The following SLC12A2 variants were observed in gnomAD, a reference collection of about 807,000 sequenced individuals.
The protein encoded by SLC12A2 is solute carrier family 12 member 2.
Under a neutral mutation model 136.3 loss-of-function variants are expected in SLC12A2, and 67 were observed. The ratio of observed to expected loss-of-function variants is 0.49; its 90% CI spans 0.40 to 0.60. The LOEUF is 0.60. Among genes scored for constraint, SLC12A2 ranks in the 20% least tolerant of loss-of-function variants. The pLI, the probability that SLC12A2 is intolerant of heterozygous loss-of-function variation, is 0.00. For missense variants in SLC12A2, 1,322 were observed against 1,534.7 expected, an observed-to-expected ratio of 0.86 and a Z score of 2.32; for synonymous variants, 619 against 562.9, an observed-to-expected ratio of 1.10 and a Z score of -1.41.
chr5:128,141,159 G>A (rs534788669), intron 9 of SLC12A2, among the ~76,000 whole-genome samples: 21 of 152,232 alleles, frequency 1.4e-4, no homozygotes, highest in African/African-American at 4.3e-4. Flanking sequence ...TTATGGAAAA[G>A]TAGGGAGGAT....
Position 128,186,584 on chromosome 5 carries a change from C to G in SLC12A2, c.3592C>G (p.Leu1198Val). The change falls in exon 27 of 27, where the codon CTC (leucine) becomes GTC (valine). Residue 1198 changes from leucine to valine, a missense_variant. Around this residue, in one of 8 missense-constraint regions of SLC12A2, gnomAD observed 172 missense variants for 227.4 expected, o/e 0.76. Coordinates refer to ENST00000262461, the MANE Select transcript of SLC12A2 (RefSeq NM_001046.3). Reference protein sequence around the residue: ...EALSKDLPPILLVRGNHQSVL... With the variant: ...EALSKDLPPIVLVRGNHQSVL... The stretch of plus-strand genomic sequence containing the variant: ...TCTATCTAAGGACCTACCACCAATC[C>G]TCCTAGTTCGTGGGAATCATCAGAG... 1.2e-6 allele frequency: 2 copies of G among 1,613,898 alleles called. No homozygotes were observed.
chr5:128,171,651 GT>G lies in SLC12A2; in HGVS notation c.2724-9del. ...TTTTTTTTTGGTTTTTTCATTTTTT[GT>G]TTTTTTGTTCTTAGTGATGCTTTTG... On this transcript the variant is annotated splice_polypyrimidine_tract_variant and intron_variant, in intron 18 of 26. Coordinates refer to ENST00000262461, the MANE Select transcript of SLC12A2 (RefSeq NM_001046.3). The G allele has an allele frequency of 6.6e-6, 10 of 1,518,302 alleles. No individual in the cohort carries two copies. The highest frequency in any genetic ancestry group is 3.8e-5 in the South Asian group (3 of 79,254). The allele number at this position is 1,518,302 out of a possible 1,614,324, so 94.1% of individuals were successfully genotyped here.
Position 128,180,997 on chromosome 5 carries a change from A to G in SLC12A2, c.3212+3A>G. The G allele has an allele frequency of 1.3e-6, 2 of 1,531,778 alleles. No homozygotes were observed. The highest frequency in any genetic ancestry group is 1.8e-6 in the Non-Finnish European group (2 of 1,105,820). The allele number at this position is 1,531,778 out of a possible 1,614,324, so 94.9% of individuals were successfully genotyped here. On this transcript the variant is annotated splice_donor_region_variant and intron_variant, in intron 23 of 26. Transcript: ENST00000262461. The stretch of plus-strand genomic sequence containing the variant: ...AGAATAGACCATGACCGGAGAGCGT[A>G]AGTTTATTTCACATTGAAGGGCATG...
chr5:128,177,297 T>C lies in SLC12A2; in HGVS notation c.2977+145T>C, dbSNP rs138378448. The C allele has an allele frequency of 1.0e-3, 560 of 540,700 alleles. 2 individuals carry two copies. Among genetic ancestry groups the C allele is most frequent in the Middle Eastern group, 1.7e-3 (4 of 2,400 alleles). 33.5% of individuals were successfully genotyped at this position (540,700 alleles called of 1,614,324 possible). A position where few individuals can be genotyped will look rare whatever the true frequency, so the allele number is the denominator to read the frequency against. On this transcript the variant is annotated intron_variant, in intron 21 of 26. Transcript: ENST00000262461. The stretch of plus-strand genomic sequence containing the variant: ...TTCTATAAATGCAGATTAGAAAAAT[T>C]ATTATTAGTCTAACTAAAAAGTTAA...
At chr5:128,150,131 A>G (rs1762652882) in intron 13 of SLC12A2, 33 bp downstream of exon 13, 4 of 1,292,460 alleles carry the variant, frequency 3.1e-6, no homozygotes, top group Non-Finnish European at 4.4e-6. Flanking sequence ...GTTTGTAAAT[A>G]TCATTTTTGA....
At chr5:128,116,417 ATC>A (rs199789673) in intron 4 of SLC12A2, among the ~76,000 whole-genome samples, 4,078 of 128,070 alleles carry the variant, frequency 0.032, 102 homozygotes, top group Admixed American at 0.077. Flanking sequence ...ATATATATAT[ATC>A]TCTTTACAAA....
At chr5:128,086,001 TC>T (rs200716638) in intron 1 of SLC12A2, among the ~76,000 whole-genome samples, 1 of 152,246 alleles carries the variant, frequency 6.6e-6, no homozygotes, top group Non-Finnish European at 1.5e-5. Context: ...TCAAGTCTAT[TC>T]TTTTTTCTTT....
chr5:128,147,524 T>G, intron 10 of SLC12A2, 98 bp from the exon 11 acceptor site: 1 of 690,176 alleles, frequency 1.4e-6, no homozygotes, highest in South Asian at 1.9e-5. Context: ...AAATGATCCC[T>G]AGTGTTAACC....
In SLC12A2 at chr5:128,177,169, AT is replaced by A; in HGVS notation, c.2977+21del. ...TGAAAAAAGGCAGGCATTTTTCATCATTTTATTTTAAACCCTTTTTCATACT... is the reference window on the plus strand; with the variant it reads ...TGAAAAAAGGCAGGCATTTTTCATCATTTATTTTAAACCCTTTTTCATACT... On this transcript the variant is annotated intron_variant, in intron 21 of 26. Transcript: ENST00000262461. 1.3e-6 allele frequency: 2 copies of A among 1,580,580 alleles called. No individual in the cohort carries two copies. Among genetic ancestry groups the A allele is most frequent in the Non-Finnish European group, 1.7e-6 (2 of 1,162,522 alleles).
chr5:128,177,251 C>G (rs1763567441), intron 21 of SLC12A2, 99 bp downstream of exon 21: 1 of 813,954 alleles, frequency 1.2e-6, no homozygotes, highest in South Asian at 1.8e-5. Context: ...TTTTTATTTC[C>G]ATGGTGAGGT....
At chr5:128,165,009 G>GT (rs1002499882) in intron 17 of SLC12A2, among the ~76,000 whole-genome samples, 6 of 151,764 alleles carry the variant, frequency 4.0e-5, no homozygotes, top group African/African-American at 1.5e-4. Context: ...TGGCTGGCTA[G>GT]TTTTTGTATT....
intron 5 of SLC12A2, among the ~76,000 whole-genome samples, chr5:128,133,939 G>T (rs536081067): frequency 5.3e-5 from 8 of 151,918 alleles, no homozygotes; most frequent in Non-Finnish European, 1.0e-4. Flanking sequence ...ATTAAATATA[G>T]AAGCATTAAT....
chr5:128,114,935 C>T (rs907847643), intron 4 of SLC12A2, among the ~76,000 whole-genome samples: 3 of 152,156 alleles, frequency 2.0e-5, no homozygotes, highest in African/African-American at 7.2e-5. Flanking sequence ...CTCTTATCCA[C>T]TGGGCTGCAT....
chr5:128,155,717 A>G (rs1339848603), intron 15 of SLC12A2, among the ~76,000 whole-genome samples: 2 of 152,196 alleles, frequency 1.3e-5, no homozygotes, highest in Non-Finnish European at 2.9e-5. Flanking sequence ...ATACTTGGCC[A>G]GGGAAGTTCG....
chr5:128,090,286 A>G (rs1273960666), intron 1 of SLC12A2, among the ~76,000 whole-genome samples: 1 of 152,224 alleles, frequency 6.6e-6, no homozygotes, highest in East Asian at 1.9e-4. Flanking sequence ...ACACTGCTAA[A>G]TTGATATCTT....
intron 1 of SLC12A2, among the ~76,000 whole-genome samples, chr5:128,108,911 G>A (rs1761040314): frequency 6.6e-6 from 1 of 152,174 alleles, no homozygotes; most frequent in African/African-American, 2.4e-5. Context: ...TTATAGTACA[G>A]TAAAATAATC....
At chr5:128,177,017 G>A in intron 20 of SLC12A2, 88 bp from the exon 21 acceptor site, 1 of 741,174 alleles carries the variant, frequency 1.3e-6, no homozygotes, top group Non-Finnish European at 2.1e-6. Flanking sequence ...ATTATATTTT[G>A]TTTATAAATG....
At chr5:128,123,350 A>G (rs1761660276) in intron 4 of SLC12A2, among the ~76,000 whole-genome samples, 1 of 152,172 alleles carries the variant, frequency 6.6e-6, no homozygotes, top group African/African-American at 2.4e-5. Flanking sequence ...TTTGTAAACC[A>G]GGATACTGGA....
At chr5:128,145,757 G>A (rs183910337) in intron 10 of SLC12A2, among the ~76,000 whole-genome samples, 3 of 152,096 alleles carry the variant, frequency 2.0e-5, no homozygotes, top group South Asian at 4.1e-4. Context: ...GATTGTACCC[G>A]TTGCTAACTT....
Sources: gnomAD v4.1 joint callset for allele counts (sites outside exome capture counted in the v4.1 genomes callset) on GRCh38, gnomAD v4.1.1 for gene constraint, gnomAD v4.1.1 regional missense constraint, MANE v1.5 for transcripts, NCBI Gene and HGNC (gene_info 2026-07-23, HGNC 2026-07-21) for gene names.